Variants in RBFOX2 observed in about 807,000 individuals in gnomAD.
The protein encoded by RBFOX2 is RNA binding protein fox-1 homolog 2.
Under a neutral mutation model 49.1 loss-of-function variants are expected in RBFOX2, and 10 were observed. That is an observed-to-expected ratio of 0.20 (90% CI 0.13 to 0.35). The LOEUF (loss-of-function observed/expected upper bound fraction) is 0.35, where lower values mean the gene tolerates loss of function less well. RBFOX2 is among the 10% of genes least tolerant of loss of function. The pLI is 1.00. For missense variants in RBFOX2, 323 were observed against 486.9 expected, an observed-to-expected ratio of 0.66 and a Z score of 3.17; for synonymous variants, 183 against 187.4, an observed-to-expected ratio of 0.98 and a Z score of 0.19.
intron 9 of RBFOX2, among the ~76,000 whole-genome samples, chr22:35,750,881 TC>T (rs1934655203): frequency 1.3e-5 from 2 of 152,372 alleles, no homozygotes; most frequent in Admixed American, 6.5e-5. Context: ...AGTTCCAGCT[TC>T]TTCAAAGGAA....
At chr22:35,942,064 T>C (rs919857172), upstream of RBFOX2, among the ~76,000 whole-genome samples, 6 of 152,234 alleles carry the variant, frequency 3.9e-5, no homozygotes, top group African/African-American at 1.4e-4. Flanking sequence ...TAACTGTATT[T>C]TACTATGATT....
At chr22:35,983,347 C>CA (rs2057550910) in intron 1 of RBFOX2, among the ~76,000 whole-genome samples, 1 of 152,062 alleles carries the variant, frequency 6.6e-6, no homozygotes, top group African/African-American at 2.4e-5. Context: ...CTATAGTTGT[C>CA]AAAATCAAAC....
At chr22:35,818,846 A>G (rs973537636) in intron 1 of RBFOX2, among the ~76,000 whole-genome samples, 1 of 152,182 alleles carries the variant, frequency 6.6e-6, no homozygotes, top group Non-Finnish European at 1.5e-5. Flanking sequence ...AACACTGGCA[A>G]AGTAGTAGAG....
intron 1 of RBFOX2, among the ~76,000 whole-genome samples, chr22:35,866,328 AT>A (rs1357359632): frequency 1.3e-5 from 2 of 152,138 alleles, no homozygotes; most frequent in South Asian, 2.1e-4. Flanking sequence ...TATATACGCC[AT>A]TTTTTTGAAA....
intron 1 of RBFOX2, among the ~76,000 whole-genome samples, chr22:35,851,288 T>C (rs2041904907): frequency 6.6e-6 from 1 of 152,234 alleles, no homozygotes; most frequent in Non-Finnish European, 1.5e-5. Flanking sequence ...TGATTCTATG[T>C]GCATTACACA....
chr22:35,911,780 T>C (rs2049863075), intron 1 of RBFOX2, among the ~76,000 whole-genome samples: 2 of 152,150 alleles, frequency 1.3e-5, no homozygotes, highest in Admixed American at 1.3e-4. Context: ...CCATTTTCAA[T>C]TTCCTTTCAC....
At chr22:35,756,859 T>TAA (rs566885584) in intron 9 of RBFOX2, among the ~76,000 whole-genome samples, 2 of 147,644 alleles carry the variant, frequency 1.4e-5, no homozygotes, top group Non-Finnish European at 3.0e-5. Context: ...GAAATGTAAT[T>TAA]AAAAAAAAAA....
chr22:35,908,039 T>A (rs993818511), intron 1 of RBFOX2, among the ~76,000 whole-genome samples: 6 of 151,972 alleles, frequency 3.9e-5, no homozygotes, highest in African/African-American at 1.4e-4. Flanking sequence ...CAAAGAATCT[T>A]GAAATGTCTA....
intron 1 of RBFOX2, among the ~76,000 whole-genome samples, chr22:35,978,495 C>T (rs1298702914): frequency 2.6e-5 from 4 of 152,144 alleles, no homozygotes; most frequent in African/African-American, 4.8e-5. Flanking sequence ...AATTACTATC[C>T]TCCATTTAAA....
chr22:36,002,768 C>G (rs1273871679), intron 1 of RBFOX2, among the ~76,000 whole-genome samples: 2 of 152,240 alleles, frequency 1.3e-5, no homozygotes, highest in African/African-American at 4.8e-5. Flanking sequence ...GGACTACAGG[C>G]ATGTGCCACT....
intron 1 of RBFOX2, among the ~76,000 whole-genome samples, chr22:35,966,741 A>G (rs2056579942): frequency 6.6e-6 from 1 of 152,174 alleles, no homozygotes; most frequent in Non-Finnish European, 1.5e-5. Flanking sequence ...TCTAGAGACT[A>G]GCCAGATCCC....
intron 9 of RBFOX2, among the ~76,000 whole-genome samples, chr22:35,754,430 T>G (rs1295652753): frequency 6.6e-6 from 1 of 152,306 alleles, no homozygotes; most frequent in Non-Finnish European, 1.5e-5. Flanking sequence ...ATAGGTTGTA[T>G]TTAAGAAAAA....
intron 1 of RBFOX2, among the ~76,000 whole-genome samples, chr22:35,911,658 G>A (rs201399973): frequency 9.2e-5 from 14 of 152,060 alleles, no homozygotes; most frequent in African/African-American, 1.9e-4. Context: ...TGCTGGTATC[G>A]TTACACTCCT....
chr22:35,895,494 C>A (rs548041546), intron 1 of RBFOX2, among the ~76,000 whole-genome samples: 1 of 152,158 alleles, frequency 6.6e-6, no homozygotes, highest in Non-Finnish European at 1.5e-5. Flanking sequence ...CTATTCTTTA[C>A]GTCATTTCAC....
At chr22:35,851,096 G>A (rs924184129) in intron 1 of RBFOX2, among the ~76,000 whole-genome samples, 3 of 152,132 alleles carry the variant, frequency 2.0e-5, no homozygotes, top group Non-Finnish European at 4.4e-5. Context: ...CCCCATCAGT[G>A]TAATTCTTCT....
chr22:36,013,045 T>C (rs1463078424), intron 1 of RBFOX2, among the ~76,000 whole-genome samples: 1 of 152,160 alleles, frequency 6.6e-6, no homozygotes, highest in Non-Finnish European at 1.5e-5. Flanking sequence ...ATTACAGGTG[T>C]GAGCCACTGA....
chr22:35,813,776 T>A (rs1378509233), intron 1 of RBFOX2, among the ~76,000 whole-genome samples: 1 of 152,168 alleles, frequency 6.6e-6, no homozygotes, highest in African/African-American at 2.4e-5. Context: ...AGAGGAAGAC[T>A]GAGATAGAAA....
chr22:35,760,146 G>T, intron 8 of RBFOX2, 126 bp from the exon 10 acceptor site: 1 of 1,269,152 alleles, frequency 7.9e-7, no homozygotes. Flanking sequence ...TTTTGGAAAA[G>T]GTGGCATGCA....
chr22:36,005,334 A>G (rs1469237423), intron 1 of RBFOX2, among the ~76,000 whole-genome samples: 1 of 152,128 alleles, frequency 6.6e-6, no homozygotes, highest in Non-Finnish European at 1.5e-5. Context: ...TAAAATATAA[A>G]CTCCAATGAT....
Sources: gnomAD v4.1 joint callset for allele counts (sites outside exome capture counted in the v4.1 genomes callset) on GRCh38, gnomAD v4.1.1 for gene constraint, MANE v1.5 for transcripts, NCBI Gene and HGNC (gene_info 2026-07-23, HGNC 2026-07-21) for gene names.